TBCE: variants seen among roughly 807,000 people sequenced by gnomAD.
TBCE encodes tubulin folding cofactor E.
TBCE carries 53 observed loss-of-function variants against 77.0 expected under a neutral mutation model. That is an observed-to-expected ratio of 0.69 (90% CI 0.55 to 0.87). The LOEUF (loss-of-function observed/expected upper bound fraction) is 0.87. Ranked by LOEUF, TBCE falls within the 40% of genes least tolerant of loss-of-function variation. The pLI, the probability that TBCE is intolerant of heterozygous loss-of-function variation, is 0.00. For missense variants in TBCE, 624 were observed against 622.4 expected, an observed-to-expected ratio of 1.00 and a Z score of -0.03; for synonymous variants, 235 against 241.3, an observed-to-expected ratio of 0.97 and a Z score of 0.24.
intron 15 of TBCE, among the ~76,000 whole-genome samples, chr1:235,447,317 A>G (rs370626403): frequency 2.0e-5 from 3 of 152,364 alleles, no homozygotes; most frequent in African/African-American, 7.2e-5. Context: ...ATACACTGTG[A>G]TATTTGTAGG....
rs1450344942 is a variant in TBCE at position 235,437,466 on chromosome 1, A to T, written c.1108A>T (p.Lys370Ter). The T allele has an allele frequency of 6.2e-7, 1 of 1,613,938 alleles. No individual in the cohort carries two copies. The highest frequency in any genetic ancestry group is 8.5e-7 in the Non-Finnish European group (1 of 1,179,978). ...CATTGGCCAGCTGAAGACGCTGAAC[A>T]AATGTGAGGTGAGCACTGGCGTCAT... ...ASIGQLKTLN[K>*]CEILPEERRR... The change falls in exon 12 of 17, where the codon AAA (lysine) becomes TAA (stop). Residue 370 changes from lysine (K) to a stop codon, truncating the protein, a stop_gained. Coordinates refer to ENST00000642610, the MANE Select transcript of TBCE (RefSeq NM_003193.5). LOFTEE classifies it high-confidence loss of function.
chr1:235,381,398 G>C (rs1249860684), intron 2 of TBCE, among the ~76,000 whole-genome samples: 1 of 151,866 alleles, frequency 6.6e-6, no homozygotes, highest in African/African-American at 2.4e-5. Context: ...AGACTGATTT[G>C]CTTGGGCCGG....
chr1:235,389,658 G>C (rs1678260556), intron 2 of TBCE, among the ~76,000 whole-genome samples: 1 of 151,982 alleles, frequency 6.6e-6, no homozygotes, highest in Non-Finnish European at 1.5e-5. Flanking sequence ...TCATCTTTTG[G>C]AATTGGTACT....
chr1:235,420,574 C>A (rs904544592), intron 5 of TBCE, among the ~76,000 whole-genome samples: 3 of 151,828 alleles, frequency 2.0e-5, no homozygotes, highest in Non-Finnish European at 2.9e-5. Flanking sequence ...CCTCCGCCTC[C>A]CGGGTTCAAG....
At position 235,380,036 on chromosome 1, in the gene TBCE, C is replaced by T. The variant is rs751941903; in HGVS notation, c.-14C>T. The T allele has an allele frequency of 6.2e-7, 1 of 1,602,752 alleles. No homozygotes were observed. Among genetic ancestry groups the T allele is most frequent in the Non-Finnish European group, 8.5e-7 (1 of 1,170,840 alleles). ...CTTCCTAGATCTCATATTTTGGATT[C>T]TGGATATATTATAATGAGTGACACT... On this transcript the variant is annotated 5_prime_UTR_variant, in exon 2 of 17. Coordinates refer to ENST00000642610, the MANE Select transcript of TBCE (RefSeq NM_003193.5).
chr1:235,391,600 C>CTTTTTTTTTTTTTTTTTTT (rs58265980), intron 2 of TBCE, among the ~76,000 whole-genome samples: 2 of 85,398 alleles, frequency 2.3e-5, no homozygotes, highest in South Asian at 4.0e-4. Context: ...GCTTCATTTC[C>CTTTTTTTTTTTTTTTTTTT]TTTTTTTTTT....
intron 2 of TBCE, among the ~76,000 whole-genome samples, chr1:235,381,717 G>A (rs1270466909): frequency 1.4e-5 from 2 of 142,642 alleles, no homozygotes; most frequent in Admixed American, 7.1e-5. Context: ...AAAAAAGACT[G>A]ATTTGCTTTA....
At chr1:235,384,991 T>C (rs1374697805) in intron 2 of TBCE, among the ~76,000 whole-genome samples, 2 of 152,096 alleles carry the variant, frequency 1.3e-5, no homozygotes, top group East Asian at 1.9e-4. Flanking sequence ...CTTTGAATGT[T>C]GTCCCAGAGA....
rs1042674574 is a variant in TBCE, at chr1:235,451,959, G to A, written c.*3197G>A. 2 of 151,782 alleles carry A rather than the reference G, an allele frequency of 1.3e-5. No individual in the cohort carries two copies. Among genetic ancestry groups the A allele is most frequent in the Admixed American group, 6.6e-5 (1 of 15,238 alleles). The allele number at this position is 151,782 out of a possible 1,614,324, so 9.4% of individuals were successfully genotyped here. On this transcript the variant is annotated 3_prime_UTR_variant, in exon 17 of 17. Transcript: ENST00000642610. ...TTTCATGCAGTGTCTTATTTTTATC[G>A]GTCAGAAGGGTTGAAGGATCCTTAG... is the stretch of plus-strand genomic sequence containing the variant.
At chr1:235,426,001 C>T (rs989587862) in intron 5 of TBCE, among the ~76,000 whole-genome samples, 2 of 152,186 alleles carry the variant, frequency 1.3e-5, no homozygotes, top group Admixed American at 6.5e-5. Context: ...CGTCTCTCCC[C>T]GATGACACTC....
intron 2 of TBCE, among the ~76,000 whole-genome samples, chr1:235,383,682 G>A (rs1677823182): frequency 6.6e-6 from 1 of 152,204 alleles, no homozygotes; most frequent in African/African-American, 2.4e-5. Context: ...CTGAGACTTT[G>A]CTGAAGTTGC....
At chr1:235,377,835 T>C (rs993760898) in intron 1 of TBCE, among the ~76,000 whole-genome samples, 5 of 152,026 alleles carry the variant, frequency 3.3e-5, no homozygotes, top group Non-Finnish European at 7.4e-5. Flanking sequence ...GTATTTTTAG[T>C]AGAGACGGGG....
chr1:235,400,088 C>T (rs1679002632), intron 2 of TBCE, among the ~76,000 whole-genome samples: 1 of 152,116 alleles, frequency 6.6e-6, no homozygotes, highest in Non-Finnish European at 1.5e-5. Flanking sequence ...TTAAAATATG[C>T]ATCTCTGGTT....
At chr1:235,433,471 C>T (rs1430667474) in intron 7 of TBCE, 1 of 154,142 alleles carries the variant, frequency 6.5e-6, no homozygotes, top group African/African-American at 2.4e-5. Context: ...TTCTGTCTGC[C>T]TCAGCCTCCC....
At chr1:235,402,350 C>A (rs1323918388) in intron 3 of TBCE, among the ~76,000 whole-genome samples, 2 of 152,062 alleles carry the variant, frequency 1.3e-5, no homozygotes, top group Non-Finnish European at 2.9e-5. Flanking sequence ...GTGTGAGCCA[C>A]CACGCCCGGC....
At chr1:235,394,020 GTTTAC>G (rs1304881333) in intron 2 of TBCE, among the ~76,000 whole-genome samples, 1 of 152,156 alleles carries the variant, frequency 6.6e-6, no homozygotes, top group African/African-American at 2.4e-5. Flanking sequence ...GCATATTGTA[GTTTAC>G]TTATTACTAG....
intron 2 of TBCE, among the ~76,000 whole-genome samples, chr1:235,381,685 CAAAAA>C (rs574997840): frequency 0.026 from 1,134 of 43,208 alleles, 6 homozygotes; most frequent in Non-Finnish European, 0.037. Context: ...ACTCCTTCTC[CAAAAA>C]AAAAAAAAAA....
intron 1 of TBCE, among the ~76,000 whole-genome samples, chr1:235,372,882 C>T (rs149585724): frequency 0.055 from 7,982 of 146,160 alleles, 403 homozygotes; most frequent in African/African-American, 0.13. Context: ...TGAGATTGCA[C>T]CACTGCACTC....
Position 235,414,429 on chromosome 1 carries a change from C to CA in TBCE, c.186-4_186-3insA. The CA allele has an allele frequency of 6.2e-7, 1 of 1,613,220 alleles. No homozygotes were observed. The highest frequency in any genetic ancestry group is 8.5e-7 in the Non-Finnish European group (1 of 1,179,924). On this transcript the variant is annotated splice_polypyrimidine_tract_variant and splice_region_variant and intron_variant, in intron 3 of 16. Coordinates refer to ENST00000642610, the MANE Select transcript of TBCE (RefSeq NM_003193.5). ...TCTGTGTTTCATTTGCTCTTCTTTA[C>CA]CAGGCACCCGACAGGAGGATCCTTT...
Sources: allele counts gnomAD v4.1 joint callset (sites outside exome capture counted in the v4.1 genomes callset), GRCh38; gene constraint gnomAD v4.1.1; transcripts MANE v1.5; gene names NCBI Gene and HGNC (gene_info 2026-07-23, HGNC 2026-07-21).